The following ATP5MC1 variants were observed in gnomAD, a reference collection of about 807,000 sequenced individuals.
The protein encoded by ATP5MC1 is ATP synthase F(0) complex subunit C1, mitochondrial.
In ATP5MC1, 4 loss-of-function variants were observed where a neutral mutation model predicts 12.1. That is an observed-to-expected ratio of 0.33 (90% CI 0.16 to 0.76). The LOEUF is 0.76. ATP5MC1 is among the 30% of genes least tolerant of loss of function. The probability of loss-of-function intolerance (pLI) is 0.61; values close to 1 mark genes in which losing one functional copy is unlikely to be tolerated. For missense variants in ATP5MC1, 117 were observed against 172.1 expected, an observed-to-expected ratio of 0.68 and a Z score of 1.79; for synonymous variants, 52 against 66.0, an observed-to-expected ratio of 0.79 and a Z score of 1.03.
At chr17:48,894,102 G>C (rs1002339370) in intron 2 of ATP5MC1, 17 of 401,764 alleles carry the variant, frequency 4.2e-5, no homozygotes, top group African/African-American at 3.3e-4. Flanking sequence ...GTGGGTTCTT[G>C]TTCCATTCTG....
In ATP5MC1 at chr17:48,895,192, C is replaced by T. The variant is rs769737290; in HGVS notation, c.154C>T (p.Arg52Trp). Residue 52 changes from arginine to tryptophan, a missense_variant, in exon 4 of 5, where the codon CGG (arginine) becomes TGG (tryptophan). By Grantham distance (101) the Arg-to-Trp change is moderately radical. Transcript: ENST00000393366. ...YSNFPLQVAR[R>W]EFQTSVVSRD... Reference sequence around the variant, plus strand: ...CAACTTCCCACTCCAGGTGGCCAGACGGGAGTTCCAGACCAGTGTTGTCTC... The same window carrying T: ...CAACTTCCCACTCCAGGTGGCCAGATGGGAGTTCCAGACCAGTGTTGTCTC... 2.5e-5 allele frequency: 40 copies of T among 1,609,456 alleles called. No homozygotes were observed. Among genetic ancestry groups the T allele is most frequent in the Middle Eastern group, 1.6e-4 (1 of 6,066 alleles).
intron 3 of ATP5MC1, chr17:48,894,798 A>G: frequency 1.9e-6 from 1 of 523,286 alleles, no homozygotes; most frequent in Non-Finnish European, 3.7e-6. Flanking sequence ...AAATCAAGGA[A>G]TGTTCCCAGA....
intron 3 of ATP5MC1, 144 bp from the exon 4 acceptor site, chr17:48,895,012 G>A (rs1466773989): frequency 1.1e-6 from 1 of 920,630 alleles, no homozygotes; most frequent in African/African-American, 1.6e-5. Context: ...AGCATACTCT[G>A]CAATCAGAGT....
At chr17:48,895,134 C>A in intron 3 of ATP5MC1, 22 bp from the exon 4 acceptor site, 1 of 1,591,650 alleles carries the variant, frequency 6.3e-7, no homozygotes. Context: ...TGCTATCTCG[C>A]CTGCCTTGCT....
At chr17:48,894,092 G>A in intron 2 of ATP5MC1, 2 of 377,216 alleles carry the variant, frequency 5.3e-6, no homozygotes. Context: ...TGGTATTAGT[G>A]TGGGTTCTTG....
At chr17:48,894,856 G>A (rs1331812480) in intron 3 of ATP5MC1, 2 of 565,804 alleles carry the variant, frequency 3.5e-6, no homozygotes, top group Non-Finnish European at 6.7e-6. Flanking sequence ...TGGGAGGAGA[G>A]TTGGAGAATC....
Position 48,895,218 on chromosome 17 carries a change from C to T in ATP5MC1, c.180C>T (p.Ser60=), listed in dbSNP as rs373278776. The T allele has an allele frequency of 1.4e-5, 22 of 1,612,566 alleles. 1 individual carries two copies. The East Asian group carries it at 3.3e-4, about 25-fold the overall frequency. The part of the protein sequence containing the change: ...ARREFQTSVV[S]RDIDTAAKFI... ...GGGAGTTCCAGACCAGTGTTGTCTC[C>T]CGGGACATTGACACAGCAGCCAAGT... Residue 60 remains serine, a synonymous_variant, in exon 4 of 5, where the codon TCC becomes TCT. Coordinates refer to ENST00000393366, the MANE Select transcript of ATP5MC1 (RefSeq NM_005175.3).
chr17:48,894,349 G>A (rs1251788316), intron 2 of ATP5MC1, 23 bp from the exon 3 acceptor site: 1 of 1,612,468 alleles, frequency 6.2e-7, no homozygotes, highest in Non-Finnish European at 8.5e-7. Context: ...GATTTGGTAG[G>A]ATGTGGCTTT....
At chr17:48,893,132 G>A in intron 1 of ATP5MC1, 1 of 458,888 alleles carries the variant, frequency 2.2e-6, no homozygotes, top group Admixed American at 3.7e-5. Flanking sequence ...CCCAGTATCC[G>A]CCTCCAGTCT....
At chr17:48,894,517 C>T in intron 3 of ATP5MC1, 68 bp downstream of exon 3, 1 of 1,514,812 alleles carries the variant, frequency 6.6e-7, no homozygotes, top group Non-Finnish European at 9.1e-7. Context: ...CCTGTAATCC[C>T]AGCTCTTTGA....
At chr17:48,895,550 C>T in intron 4 of ATP5MC1, 105 bp from the exon 5 acceptor site, 1 of 1,313,760 alleles carries the variant, frequency 7.6e-7, no homozygotes, top group Non-Finnish European at 1.1e-6. Context: ...GCAGGCTAGG[C>T]CCTCTCCCAG....
intron 3 of ATP5MC1, chr17:48,894,903 C>T: frequency 1.6e-6 from 1 of 632,550 alleles, no homozygotes; most frequent in Non-Finnish European, 2.9e-6. Context: ...CCAAGGTAAG[C>T]CTTGTAGGTA....
Position 48,895,308 on chromosome 17 carries a change from T to G in ATP5MC1, c.270T>G (p.Phe90Leu). The change falls in exon 4 of 5, where the codon TTT becomes TTG. Residue 90 changes from phenylalanine to leucine, a missense_variant. Physicochemically the swap from Phe to Leu is conservative, Grantham distance 22 (BLOSUM62 0). Coordinates refer to ENST00000393366, the MANE Select transcript of ATP5MC1 (RefSeq NM_005175.3). ...AGSGAGIGTV[F>L]GSLIIGYARN... ...CAGGGGCTGGCATTGGAACCGTGTT[T>G]GGCAGCTTGATCATTGGCTATGCCA... 6.3e-7 allele frequency: 1 copy of G among 1,596,508 alleles called. No homozygotes were observed. Among genetic ancestry groups the G allele is most frequent in the South Asian group, 1.1e-5 (1 of 90,522 alleles).
At chr17:48,894,271 CT>C in intron 2 of ATP5MC1, 100 bp from the exon 3 acceptor site, 1 of 1,144,432 alleles carries the variant, frequency 8.7e-7, no homozygotes, top group Non-Finnish European at 1.3e-6. Flanking sequence ...ATACATTGAA[CT>C]TATTCTGTTT....
intron 1 of ATP5MC1, 73 bp from the exon 2 acceptor site, chr17:48,893,336 C>G: frequency 6.5e-7 from 1 of 1,532,184 alleles, no homozygotes; most frequent in South Asian, 1.2e-5. Flanking sequence ...AGGGGACGAC[C>G]AAAGGTCGTC....
intron 2 of ATP5MC1, 164 bp from the exon 3 acceptor site, chr17:48,894,208 G>A: frequency 1.5e-6 from 1 of 662,440 alleles, no homozygotes; most frequent in Non-Finnish European, 2.6e-6. Flanking sequence ...TATTGAGACA[G>A]CTGTCTCTGG....
rs2040555929 is a variant in ATP5MC1 at position 48,894,602 on chromosome 17, T to A, written c.117+153T>A. ...GGGCAACACAGTGAAACCCCATCTC[T>A]ACAAAAAAAATAAAAAAATTAGCCA... On this transcript the variant is annotated intron_variant, in intron 3 of 4. Coordinates refer to ENST00000393366, the MANE Select transcript of ATP5MC1 (RefSeq NM_005175.3). The A allele has an allele frequency of 4.3e-6, 3 of 703,264 alleles. No individual in the cohort carries two copies. The South Asian group carries it at 5.3e-5, about 12-fold the overall frequency. 43.6% of individuals were successfully genotyped at this position (703,264 alleles called of 1,614,324 possible).
rs1188089673 is a variant in ATP5MC1, at chr17:48,893,462, G to A, written c.39+6G>A. On this transcript the variant is annotated splice_donor_region_variant and intron_variant, in intron 2 of 4. Coordinates refer to ENST00000393366, the MANE Select transcript of ATP5MC1 (RefSeq NM_005175.3). ...TATTCATTTCTCCAGCTCTGGTAAG[G>A]TGCCGCGCCGCAGTGCTCTGTAGTA... 5 of 1,613,912 alleles carry A rather than the reference G, an allele frequency of 3.1e-6. No individual in the cohort carries two copies. The highest frequency in any genetic ancestry group is 2.7e-5 in the African/African-American group (2 of 75,020).
intron 4 of ATP5MC1, 55 bp from the exon 5 acceptor site, chr17:48,895,600 C>G: frequency 2.0e-6 from 3 of 1,467,562 alleles, no homozygotes; most frequent in Non-Finnish European, 2.9e-6. Context: ...CTGTGTCCTC[C>G]CCTCCCCTCA....
Sources: gnomAD v4.1 joint callset for allele counts on GRCh38, gnomAD v4.1.1 for gene constraint, MANE v1.5 for transcripts, NCBI Gene and HGNC (gene_info 2026-07-23, HGNC 2026-07-21) for gene names.